Variants in WDR49 observed in about 807,000 individuals in gnomAD.
The protein encoded by WDR49 is cilia- and flagella-associated protein 337.
In WDR49, 107 loss-of-function variants were observed where a neutral mutation model predicts 119.5. The ratio of observed to expected loss-of-function variants is 0.90; its 90% CI spans 0.77 to 1.05. The LOEUF (loss-of-function observed/expected upper bound fraction) is 1.05, where lower values mean the gene tolerates loss of function less well. Ranked by LOEUF, WDR49 falls within the 50% of genes least tolerant of loss-of-function variation. The pLI, the probability that WDR49 is intolerant of heterozygous loss-of-function variation, is 0.00. For missense variants in WDR49, 1,240 were observed against 1,220.5 expected (o/e 1.02, Z -0.24); for synonymous variants, 425 against 418.8 (o/e 1.01, Z -0.18).
At chr3:167,516,467 T>A (rs573658742) in intron 16 of WDR49, among the ~76,000 whole-genome samples, 14 of 152,276 alleles carry the variant, frequency 9.2e-5, no homozygotes, top group African/African-American at 3.4e-4. Flanking sequence ...CCATGGTGTA[T>A]ATATGCCACA....
chr3:167,522,590 G>A, intron 15 of WDR49, 106 bp from the exon 16 acceptor site: 1 of 1,141,076 alleles, frequency 8.8e-7, no homozygotes, highest in Non-Finnish European at 1.2e-6. Flanking sequence ...CCTGGGGTGG[G>A]ACACACAAGA....
chr3:167,591,323 A>AC (rs1306809362), intron 7 of WDR49, among the ~76,000 whole-genome samples: 2 of 152,130 alleles, frequency 1.3e-5, no homozygotes, highest in Admixed American at 1.3e-4. Flanking sequence ...TCATGACCTA[A>AC]CATATGGTCT....
intron 16 of WDR49, among the ~76,000 whole-genome samples, chr3:167,515,390 A>T (rs1668162990): frequency 6.6e-6 from 1 of 152,208 alleles, no homozygotes; most frequent in South Asian, 2.1e-4. Flanking sequence ...CAAAAACCAC[A>T]TGATTACCTC....
At chr3:167,522,005 G>T (rs551326831) in intron 16 of WDR49, among the ~76,000 whole-genome samples, 1 of 141,400 alleles carries the variant, frequency 7.1e-6, no homozygotes, top group East Asian at 2.3e-4. Context: ...TAGATAGATA[G>T]ATAGATAGAT....
chr3:167,578,575 T>A (rs1047248770), intron 7 of WDR49, among the ~76,000 whole-genome samples: 1 of 152,108 alleles, frequency 6.6e-6, no homozygotes, highest in African/African-American at 2.4e-5. Context: ...AGCATGTTAA[T>A]TTTTTTAGTC....
chr3:167,646,181 A>T (rs1718120310), intron 2 of WDR49, among the ~76,000 whole-genome samples: 1 of 152,150 alleles, frequency 6.6e-6, no homozygotes, highest in Non-Finnish European at 1.5e-5. Context: ...TCCAGACTAA[A>T]CACCTGTGTG....
At chr3:167,627,639 A>ATT (rs2108327772) in intron 2 of WDR49, among the ~76,000 whole-genome samples, 1 of 152,176 alleles carries the variant, frequency 6.6e-6, no homozygotes, top group Non-Finnish European at 1.5e-5. Flanking sequence ...AAGGCAAGGA[A>ATT]AGGTTCTCCC....
chr3:167,637,883 T>A (rs1386351041), intron 2 of WDR49, among the ~76,000 whole-genome samples: 1 of 151,592 alleles, frequency 6.6e-6, no homozygotes, highest in Non-Finnish European at 1.5e-5. Context: ...TTCCAGGAGC[T>A]TTTTGGAGTA....
chr3:167,512,096 C>G (rs1319299413), intron 16 of WDR49, among the ~76,000 whole-genome samples: 1 of 152,158 alleles, frequency 6.6e-6, no homozygotes, highest in Admixed American at 6.5e-5. Context: ...CCCATTCCAC[C>G]AAGGGACAGA....
chr3:167,496,544 T>C (rs1751360762), intron 18 of WDR49, among the ~76,000 whole-genome samples: 2 of 152,080 alleles, frequency 1.3e-5, no homozygotes, highest in Admixed American at 1.3e-4. Flanking sequence ...TGAAAAGTCA[T>C]CTCTGAATTT....
intron 18 of WDR49, among the ~76,000 whole-genome samples, chr3:167,487,285 TC>T (rs2108194210): frequency 6.6e-6 from 1 of 152,226 alleles, no homozygotes; most frequent in African/African-American, 2.4e-5. Flanking sequence ...GAAAAAGGAC[TC>T]TGTGTTCAAT....
intron 18 of WDR49, among the ~76,000 whole-genome samples, chr3:167,480,748 G>C (rs1560241692): frequency 6.6e-6 from 1 of 152,200 alleles, no homozygotes; most frequent in Non-Finnish European, 1.5e-5. Flanking sequence ...GAAAAGTATA[G>C]AGAGTATACG....
In WDR49 at chr3:167,604,310, T is replaced by A. The variant is rs1715929668; in HGVS notation, c.1117A>T (p.Asn373Tyr). Reference sequence around the variant, plus strand: ...GATTTATTTTACCTACCAATTAAATTGAGCCGAGAGTGATAATCAAAAGCA... The same window carrying A: ...GATTTATTTTACCTACCAATTAAATAGAGCCGAGAGTGATAATCAAAAGCA... ...IHAFDYHSRL[N>Y]LIATAGINNK... Residue 373 changes from asparagine to tyrosine, a missense_variant, in exon 6 of 19, where the codon AAT becomes TAT. Coordinates refer to ENST00000682715, the MANE Select transcript of WDR49 (RefSeq NM_001366157.1). 6.2e-7 allele frequency: 1 copy of A among 1,613,264 alleles called. No individual in the cohort carries two copies. The highest frequency in any genetic ancestry group is 1.3e-5 in the African/African-American group (1 of 74,870).
intron 2 of WDR49, among the ~76,000 whole-genome samples, chr3:167,631,816 G>A (rs1170084001): frequency 6.6e-6 from 1 of 152,084 alleles, no homozygotes; most frequent in African/African-American, 2.4e-5. Context: ...AGCAGTATCA[G>A]TTGCAAGAAA....
chr3:167,613,961 A>G (rs1457032551), intron 5 of WDR49, among the ~76,000 whole-genome samples: 2 of 151,018 alleles, frequency 1.3e-5, no homozygotes, highest in Non-Finnish European at 3.0e-5. Flanking sequence ...AAAAGCAATT[A>G]GTGATTTTGT....
chr3:167,550,335 G>T (rs62278305), intron 10 of WDR49, among the ~76,000 whole-genome samples: 40,285 of 152,004 alleles, frequency 0.27, 5,574 homozygotes, highest in South Asian at 0.31. Context: ...AGCATGGAAT[G>T]TTCTTCCATT....
At chr3:167,565,704 G>A (rs548421055) in intron 8 of WDR49, among the ~76,000 whole-genome samples, 1 of 152,216 alleles carries the variant, frequency 6.6e-6, no homozygotes, top group East Asian at 1.9e-4. Context: ...GCACATTCAA[G>A]GAATAGCAAG....
chr3:167,592,194 C>A (rs1300234416), intron 7 of WDR49, among the ~76,000 whole-genome samples: 2 of 151,996 alleles, frequency 1.3e-5, no homozygotes, highest in Admixed American at 1.3e-4. Flanking sequence ...TAATAAAGAC[C>A]CTATACCTTA....
At chr3:167,651,975 G>C (rs990238157) in intron 2 of WDR49, among the ~76,000 whole-genome samples, 1 of 152,104 alleles carries the variant, frequency 6.6e-6, no homozygotes, top group African/African-American at 2.4e-5. Context: ...CCACATTTCT[G>C]TTCACTATAG....
Sources: allele counts gnomAD v4.1 joint callset (sites outside exome capture counted in the v4.1 genomes callset), GRCh38; gene constraint gnomAD v4.1.1; transcripts MANE v1.5; gene names NCBI Gene and HGNC (gene_info 2026-07-23, HGNC 2026-07-21).